SLC23A1: variants seen among roughly 807,000 people sequenced by gnomAD.
The protein encoded by SLC23A1 is Na(+)/L-ascorbic acid transporter 1.
Under a neutral mutation model 62.5 loss-of-function variants are expected in SLC23A1, and 31 were observed. The observed-to-expected ratio is 0.50, with a 90% CI of 0.37 to 0.67. SLC23A1 has a LOEUF of 0.67. Ranked by LOEUF, SLC23A1 falls within the 30% of genes least tolerant of loss-of-function variation. The pLI, the probability that SLC23A1 is intolerant of heterozygous loss-of-function variation, is 0.00. For synonymous variants in SLC23A1, 271 were observed against 313.2 expected (o/e 0.87, Z 1.42); for missense variants, 640 against 782.7 (o/e 0.82, Z 2.18).
chr5:139,368,805 G>A (rs372517123), intron 14 of SLC23A1: 50 of 1,602,906 alleles, frequency 3.1e-5, no homozygotes, highest in Non-Finnish European at 4.0e-5. Flanking sequence ...TTGAGTAGAC[G>A]GGGCCCTCTT....
rs1758066488 is a variant in SLC23A1 at position 139,378,534 on chromosome 5, G to A, written c.1179+45C>T. The A allele has an allele frequency of 6.8e-7, 1 of 1,478,224 alleles. No individual in the cohort carries two copies. The highest frequency in any genetic ancestry group is 9.2e-7 in the Non-Finnish European group (1 of 1,088,848). 91.6% of individuals were successfully genotyped at this position (1,478,224 alleles called of 1,614,324 possible). On this transcript the variant is annotated intron_variant, in intron 10 of 14. Coordinates refer to ENST00000348729, the MANE Select transcript of SLC23A1 (RefSeq NM_005847.5). The surrounding 1 kb of genome is among the most constrained non-coding windows in gnomAD (Gnocchi z 4.5). ...GGACCGAGTTGGGGCGGGGCCTGCG[G>A]CCCACGGAATTAGGGCAGGATTTGG...
In SLC23A1 at chr5:139,382,491, C is replaced by A; in HGVS notation, c.150+1G>T. 6.3e-7 allele frequency: 1 copy of A among 1,598,656 alleles called. No homozygotes were observed. Among genetic ancestry groups the A allele is most frequent in the Non-Finnish European group, 8.6e-7 (1 of 1,166,302 alleles). On this transcript the variant is annotated splice_donor_variant, in intron 2 of 14. Transcript: ENST00000348729. LOFTEE classifies it high-confidence loss of function. Reference sequence around the variant, plus strand: ...GGGCGGGGAGGCCCTGGGGGACCCACCTGGAAGCCCAGCAGGATGCACAGG... The same window carrying A: ...GGGCGGGGAGGCCCTGGGGGACCCAACTGGAAGCCCAGCAGGATGCACAGG...
intron 1 of SLC23A1, 82 bp downstream of exon 1, chr5:139,383,135 GC>G: frequency 1.1e-6 from 1 of 881,022 alleles, no homozygotes; most frequent in Non-Finnish European, 1.6e-6. Context: ...TTTATCTCTG[GC>G]CTCCAGGAAG....
At chr5:139,375,885 G>C (rs1169705316) in intron 13 of SLC23A1, among the ~76,000 whole-genome samples, 2 of 151,678 alleles carry the variant, frequency 1.3e-5, no homozygotes. Flanking sequence ...TATAATCCCA[G>C]TACTTTGAGA....
rs934889338 is a variant in SLC23A1, at chr5:139,371,914, G to A, written c.*19+73C>T. The A allele has an allele frequency of 3.2e-6, 4 of 1,239,614 alleles. No homozygotes were observed. The African/African-American group carries it at 4.5e-5, about 14-fold the overall frequency. 76.8% of individuals were successfully genotyped at this position (1,239,614 alleles called of 1,614,324 possible). On this transcript the variant is annotated intron_variant, in intron 14 of 14. Transcript: ENST00000348729. The stretch of plus-strand genomic sequence containing the variant: ...ACAAGAAAGAGAACTGAGTAGTTTG[G>A]TTTTTCTTTGGTTAAAGCATAAGAA...
chr5:139,382,243 T>C, intron 2 of SLC23A1, 194 bp from the exon 3 acceptor site: 1 of 613,542 alleles, frequency 1.6e-6, no homozygotes, highest in East Asian at 2.8e-5. Context: ...ACTCAAGATA[T>C]TCCTGCGGCT....
chr5:139,372,373 T>TCCTAAAACGTGGC lies in SLC23A1; in HGVS notation c.1550-133_1550-121dup, dbSNP rs1402049785. On this transcript the variant is annotated intron_variant, in intron 13 of 14. Transcript: ENST00000348729. ...AGTATCTTCCTTAACTATCATTTGG[T>TCCTAAAACGTGGC]CCTAAAACGTGGCTGAATCTATGGT... The TCCTAAAACGTGGC allele has an allele frequency of 4.2e-6, 4 of 961,680 alleles. No homozygotes were observed. The East Asian group carries it at 7.5e-5, about 18-fold the overall frequency. The allele number at this position is 961,680 out of a possible 1,614,324, so 59.6% of individuals were successfully genotyped here.
rs1758161263 is a variant in SLC23A1 at position 139,380,034 on chromosome 5, G to T, written c.690C>A (p.Asn230Lys). 6.2e-6 allele frequency: 10 copies of T among 1,613,876 alleles called. No individual in the cohort carries two copies. Among genetic ancestry groups the T allele is most frequent in the Non-Finnish European group, 6.8e-6 (8 of 1,179,976 alleles). ...GGTAGACAGGCAGCAGGAAGGTGAG[G>T]TTGCGCAGGTACTGGGAGAAGAGGA... Reference protein sequence around the residue: ...LIILFSQYLRNLTFLLPVYRW... With the variant: ...LIILFSQYLRKLTFLLPVYRW... The change falls in exon 7 of 15, where the codon AAC becomes AAA. Residue 230 changes from asparagine to lysine, a missense_variant. Transcript: ENST00000348729.
In SLC23A1 at chr5:139,378,757, G is replaced by T; in HGVS notation, c.1074-73C>A. The T allele has an allele frequency of 8.6e-7, 1 of 1,162,864 alleles. No individual in the cohort carries two copies. The highest frequency in any genetic ancestry group is 1.3e-6 in the Non-Finnish European group (1 of 792,830). 72.0% of individuals were successfully genotyped at this position (1,162,864 alleles called of 1,614,324 possible). A position where few individuals can be genotyped will look rare whatever the true frequency, so the allele number is the denominator to read the frequency against. On this transcript the variant is annotated intron_variant, in intron 9 of 14. Coordinates refer to ENST00000348729, the MANE Select transcript of SLC23A1 (RefSeq NM_005847.5). The surrounding 1 kb of genome is among the most constrained non-coding windows in gnomAD (Gnocchi z 4.5). Reference sequence around the variant, plus strand: ...CTGTGTTCCCCCATCATCTTAGCAAGCTGCCGTCCTCTGGGGCTGTGGGGG... The same window carrying T: ...CTGTGTTCCCCCATCATCTTAGCAATCTGCCGTCCTCTGGGGCTGTGGGGG...
chr5:139,379,216 G>T lies in SLC23A1; in HGVS notation c.1064C>A (p.Ala355Asp), dbSNP rs748534553. ...LAGAPPPPVHAINRGIFTEGI... is the reference protein window; with the variant it reads ...LAGAPPPPVHDINRGIFTEGI... ...AGGGCAGGTAGGCTACCTGTTGATAGCATGTACTGGAGGGGGTGGTGCACC... is the reference window on the plus strand; with the variant it reads ...AGGGCAGGTAGGCTACCTGTTGATATCATGTACTGGAGGGGGTGGTGCACC... The change falls in exon 9 of 15, where the codon GCT (alanine) becomes GAT (aspartate). Residue 355 changes from alanine (A) to aspartate (D), a missense_variant. Ala to Asp is a moderately radical substitution (Grantham distance 126). Coordinates refer to ENST00000348729, the MANE Select transcript of SLC23A1 (RefSeq NM_005847.5). The surrounding 1 kb of genome is among the most constrained non-coding windows in gnomAD (Gnocchi z 4.7). 1 of 1,614,160 alleles carries T rather than the reference G, an allele frequency of 6.2e-7. No individual in the cohort carries two copies. The highest frequency in any genetic ancestry group is 8.5e-7 in the Non-Finnish European group (1 of 1,180,000).
intron 13 of SLC23A1, 144 bp downstream of exon 13, chr5:139,377,258 C>T (rs1757990932): frequency 4.7e-6 from 3 of 638,084 alleles, no homozygotes; most frequent in East Asian, 2.7e-5. Context: ...CCAGTGAGCA[C>T]TCCACCAGCC....
intron 1 of SLC23A1, among the ~76,000 whole-genome samples, chr5:139,382,860 G>A (rs1034168926): frequency 4.6e-5 from 7 of 152,206 alleles, no homozygotes; most frequent in Non-Finnish European, 8.8e-5. Flanking sequence ...TTTAGCCAGG[G>A]AAGTGGACCC....
Position 139,383,215 on chromosome 5 carries a change from C to T in SLC23A1, c.36+3G>A. On this transcript the variant is annotated splice_donor_region_variant and intron_variant, in intron 1 of 14. Transcript: ENST00000348729. ...CCTAGCCCCCACCCCCAGCCCCCAG[C>T]ACCTGTGTCCGGCCCTCGAGGTCCT... 1 of 1,562,206 alleles carries T rather than the reference C, an allele frequency of 6.4e-7. No homozygotes were observed. The highest frequency in any genetic ancestry group is 8.7e-7 in the Non-Finnish European group (1 of 1,145,930).
At chr5:139,371,116 C>A (rs924904770) in intron 14 of SLC23A1, among the ~76,000 whole-genome samples, 4 of 152,120 alleles carry the variant, frequency 2.6e-5, no homozygotes, top group African/African-American at 9.7e-5. Flanking sequence ...AGCCAGACTT[C>A]CTGGATGTGA....
chr5:139,374,826 C>A (rs1050071195), intron 13 of SLC23A1, among the ~76,000 whole-genome samples: 1 of 152,162 alleles, frequency 6.6e-6, no homozygotes, highest in African/African-American at 2.4e-5. Flanking sequence ...CAGATGCCTA[C>A]CCAGATGCTC....
Position 139,380,308 on chromosome 5 carries a change from T to A in SLC23A1, c.547A>T (p.Ile183Phe). The change falls in exon 6 of 15, where the codon ATT becomes TTT. Residue 183 changes from isoleucine to phenylalanine, a missense_variant. Transcript: ENST00000348729. ...LGLPGALLNY[I>F]GPLTVTPTVS... ...GTGGGGGTGACTGTGAGAGGCCCAA[T>A]GTAGTTGAGCAGGGCCCCAGGCAGC... is the stretch of plus-strand genomic sequence containing the variant. 6.2e-7 allele frequency: 1 copy of A among 1,606,450 alleles called. No individual in the cohort carries two copies. The highest frequency in any genetic ancestry group is 1.1e-5 in the South Asian group (1 of 89,762).
At position 139,378,986 on chromosome 5, in the gene SLC23A1, A is replaced by G. The variant is rs895092229; in HGVS notation, c.1073+221T>C. Among the ~76,000 whole-genome samples, 1 of 152,186 alleles carries G rather than the reference A, an allele frequency of 6.6e-6. No individual in the cohort carries two copies. On this transcript the variant is annotated intron_variant, in intron 9 of 14. Coordinates refer to ENST00000348729, the MANE Select transcript of SLC23A1 (RefSeq NM_005847.5). The surrounding 1 kb of genome is among the most constrained non-coding windows in gnomAD (Gnocchi z 4.5). ...GAGCCGGGCACATGGAGGGCTGTCA[A>G]TGACGGTGGTTCCCTTTGGACTCCA...
intron 13 of SLC23A1, among the ~76,000 whole-genome samples, chr5:139,374,949 T>C (rs1398880475): frequency 6.6e-6 from 1 of 151,990 alleles, no homozygotes; most frequent in African/African-American, 2.4e-5. Flanking sequence ...AGGGGTACCA[T>C]GTTCAAATAG....
At chr5:139,383,535 G>A (rs1294163649), upstream of SLC23A1, among the ~76,000 whole-genome samples, 1 of 152,212 alleles carries the variant, frequency 6.6e-6, no homozygotes. Flanking sequence ...GGCCAGAGTC[G>A]AGGGGGTGAG....
Sources: allele counts gnomAD v4.1 joint callset (sites outside exome capture counted in the v4.1 genomes callset), GRCh38; gene constraint gnomAD v4.1.1; non-coding constraint Gnocchi (gnomAD v3.1); transcripts MANE v1.5; gene names NCBI Gene and HGNC (gene_info 2026-07-23, HGNC 2026-07-21).